The following TMEM181 variants were observed in gnomAD, a reference collection of about 807,000 sequenced individuals.
TMEM181 encodes G protein-coupled receptor 178.
In TMEM181, 39 loss-of-function variants were observed where a neutral mutation model predicts 71.9. The observed-to-expected ratio is 0.54, with a 90% CI of 0.42 to 0.71. TMEM181 has a LOEUF of 0.71. Among genes scored for constraint, TMEM181 ranks in the 30% least tolerant of loss-of-function variants. The pLI, the probability that TMEM181 is intolerant of heterozygous loss-of-function variation, is 0.00. For synonymous variants in TMEM181, 245 were observed against 228.8 expected, an observed-to-expected ratio of 1.07 and a Z score of -0.64; for missense variants, 595 against 583.0, an observed-to-expected ratio of 1.02 and a Z score of -0.21.
chr6:158,566,695 A>G (rs1429766267), intron 1 of TMEM181, among the ~76,000 whole-genome samples: 21 of 110,232 alleles, frequency 1.9e-4, no homozygotes, highest in South Asian at 3.4e-4. Context: ...ATGATGGTGA[A>G]GAGTTGAGGG....
chr6:158,565,328 G>A (rs1782427093), intron 1 of TMEM181, among the ~76,000 whole-genome samples: 1 of 152,204 alleles, frequency 6.6e-6, no homozygotes, highest in Admixed American at 6.5e-5. Flanking sequence ...AGTGGGCAAA[G>A]TTGTGTTGGT....
At chr6:158,564,860 A>G (rs1308552026) in intron 1 of TMEM181, among the ~76,000 whole-genome samples, 2 of 152,254 alleles carry the variant, frequency 1.3e-5, no homozygotes, top group African/African-American at 4.8e-5. Flanking sequence ...CAACAGTGTG[A>G]GAATGGGCTG....
rs1583067221 is a variant in TMEM181, at chr6:158,633,137, A to G, written c.*1249A>G. The G allele has an allele frequency of 6.6e-6, 1 of 152,244 alleles. No homozygotes were observed. The highest frequency in any genetic ancestry group is 1.9e-4 in the East Asian group (1 of 5,202). 9.4% of individuals were successfully genotyped at this position (152,244 alleles called of 1,614,324 possible). On this transcript the variant is annotated 3_prime_UTR_variant, in exon 17 of 17. Coordinates refer to ENST00000684151, the MANE Select transcript of TMEM181 (RefSeq NM_001376852.1). ...ATTATTTATTGGCCAAAAGTTTTTA[A>G]AACTCATATTTGGAAGCAAAATGAA...
intron 1 of TMEM181, among the ~76,000 whole-genome samples, chr6:158,565,838 C>G (rs565740702): frequency 9.2e-5 from 14 of 152,236 alleles, no homozygotes; most frequent in African/African-American, 3.4e-4. Flanking sequence ...CTTTCCCCCA[C>G]AGAGCCTCGC....
At chr6:158,546,025 C>T (rs1333399628) in intron 1 of TMEM181, among the ~76,000 whole-genome samples, 1 of 152,200 alleles carries the variant, frequency 6.6e-6, no homozygotes, top group East Asian at 1.9e-4. Context: ...GTTTCCCTGG[C>T]TTATCTATCT....
rs549502183 is a variant in TMEM181 at position 158,546,020 on chromosome 6, C to T, written c.131+9155C>T. On this transcript the variant is annotated intron_variant, in intron 1 of 16. Transcript: ENST00000367090. The stretch of plus-strand genomic sequence containing the variant: ...GTAAGTGAAGATAATGACCAGTTTC[C>T]CTGGCTTATCTATCTGGCATGACCG... Among the ~76,000 whole-genome samples the T allele has an allele frequency of 4.6e-5, 7 of 152,242 alleles. No homozygotes were observed. In the East Asian group the frequency reaches 1.4e-3, roughly 29 times the overall value.
intron 10 of TMEM181, among the ~76,000 whole-genome samples, chr6:158,621,927 G>A (rs933453109): frequency 6.6e-6 from 1 of 152,230 alleles, no homozygotes; most frequent in African/African-American, 2.4e-5. Context: ...ACACATGGCT[G>A]CTGGACCCAT....
intron 6 of TMEM181, among the ~76,000 whole-genome samples, chr6:158,590,376 C>A (rs1347263132): frequency 2.7e-4 from 40 of 148,452 alleles, no homozygotes; most frequent in African/African-American, 8.8e-4. Context: ...TGGATACCTT[C>A]AAAAAAAAAA....
intron 14 of TMEM181, 34 bp from the exon 15 acceptor site, chr6:158,629,696 C>A: frequency 6.4e-7 from 1 of 1,552,258 alleles, no homozygotes; most frequent in Non-Finnish European, 8.8e-7. Flanking sequence ...ACTGATGTGT[C>A]CAGATGCCGC....
At chr6:158,609,848 C>G (rs1258512243) in intron 10 of TMEM181, 1 of 238,168 alleles carries the variant, frequency 4.2e-6, no homozygotes, top group Non-Finnish European at 9.3e-6. Context: ...GGGAACCCGG[C>G]TAGGGAGGAA....
chr6:158,537,647 T>C (rs1781174782), intron 1 of TMEM181, among the ~76,000 whole-genome samples: 2 of 152,134 alleles, frequency 1.3e-5, no homozygotes, highest in South Asian at 4.1e-4. Context: ...CGCGAGTCGG[T>C]AGAAAGCTCC....
At chr6:158,599,927 A>C (rs1008194006) in intron 6 of TMEM181, among the ~76,000 whole-genome samples, 1 of 152,132 alleles carries the variant, frequency 6.6e-6, no homozygotes, top group Admixed American at 6.5e-5. Flanking sequence ...CCTCCCAGAG[A>C]GTCAGAACAT....
chr6:158,584,963 A>G (rs1377407094), intron 4 of TMEM181, among the ~76,000 whole-genome samples: 8 of 152,186 alleles, frequency 5.3e-5, no homozygotes. Context: ...ATCTATTTCT[A>G]TTTTTGGTAT....
At chr6:158,588,437 C>G (rs1284751108) in intron 5 of TMEM181, among the ~76,000 whole-genome samples, 1 of 152,098 alleles carries the variant, frequency 6.6e-6, no homozygotes, top group Non-Finnish European at 1.5e-5. Flanking sequence ...GCCCTCTTGT[C>G]TTTTTGTTTG....
chr6:158,551,335 T>G (rs982271356), intron 1 of TMEM181, among the ~76,000 whole-genome samples: 1 of 152,168 alleles, frequency 6.6e-6, no homozygotes, highest in South Asian at 2.1e-4. Flanking sequence ...TGTCAGTTTA[T>G]TTATTAGAGT....
intron 10 of TMEM181, among the ~76,000 whole-genome samples, chr6:158,609,061 G>A (rs1785134911): frequency 6.7e-6 from 1 of 150,008 alleles, no homozygotes; most frequent in South Asian, 2.1e-4. Flanking sequence ...TTGCACCACT[G>A]CACTCCAGCC....
chr6:158,585,306 A>C lies in TMEM181; in HGVS notation c.262A>C (p.Thr88Pro), dbSNP rs911909798. 3.8e-6 allele frequency: 6 copies of C among 1,596,698 alleles called. No individual in the cohort carries two copies. Among genetic ancestry groups the C allele is most frequent in the Non-Finnish European group, 5.1e-6 (6 of 1,173,698 alleles). ...CVVELDQSKE[T>P]SIKTSFPMTV... Reference sequence around the variant, plus strand: ...CACTGAATTTTTTTCTTTTGTAGAAACTTCTATTAAGACAAGCTTTCCCAT... The same window carrying C: ...CACTGAATTTTTTTCTTTTGTAGAACCTTCTATTAAGACAAGCTTTCCCAT... Residue 88 changes from threonine to proline, a missense_variant and splice_region_variant, in exon 5 of 17, where the codon ACT becomes CCT. Transcript: ENST00000684151.
At chr6:158,625,789 G>A (rs761947725) in intron 13 of TMEM181, 35 bp downstream of exon 13, 12 of 1,580,200 alleles carry the variant, frequency 7.6e-6, no homozygotes, top group African/African-American at 4.1e-5. Context: ...ACAGCAAAAC[G>A]GAATTTTTCT....
At chr6:158,622,901 G>A (rs1562313423) in intron 10 of TMEM181, among the ~76,000 whole-genome samples, 1 of 152,190 alleles carries the variant, frequency 6.6e-6, no homozygotes, top group African/African-American at 2.4e-5. Flanking sequence ...ACACTTTCAA[G>A]CCCTATGCCC....
Sources: allele counts gnomAD v4.1 joint callset (sites outside exome capture counted in the v4.1 genomes callset), GRCh38; gene constraint gnomAD v4.1.1; transcripts MANE v1.5; gene names NCBI Gene and HGNC (gene_info 2026-07-23, HGNC 2026-07-21).